CRIM1: variants seen among roughly 807,000 people sequenced by gnomAD.
CRIM1 encodes the protein cysteine-rich motor neuron 1 protein.
Under a neutral mutation model 116.4 loss-of-function variants are expected in CRIM1, and 32 were observed. The ratio of observed to expected loss-of-function variants is 0.27; its 90% confidence interval spans 0.21 to 0.37. The LOEUF is 0.37. Among genes scored for constraint, CRIM1 ranks in the 10% least tolerant of loss-of-function variants. The probability of loss-of-function intolerance (pLI) is 1.00; values close to 1 mark genes in which losing one functional copy is unlikely to be tolerated. For synonymous variants in CRIM1, 590 were observed against 509.2 expected (o/e 1.16, Z -2.13); for missense variants, 1,331 against 1,354.8 (o/e 0.98, Z 0.28).
rs149183680 is a variant in CRIM1 at position 36,464,466 on chromosome 2, T to C, written c.870-68T>C. ...TTTGCCACAGCCACTGCCACTTTGT[T>C]TGTGGTCTCCCGACTTCTATGTTGT... On this transcript the variant is annotated intron_variant, in intron 4 of 16. Coordinates refer to ENST00000280527, the MANE Select transcript of CRIM1 (RefSeq NM_016441.3). 8.5e-5 allele frequency: 134 copies of C among 1,582,760 alleles called. No homozygotes were observed. The African/African-American group carries it at 1.7e-3, about 20-fold the overall frequency.
rs1321049543 is a variant in CRIM1 at position 36,477,077 on chromosome 2, A to G, written c.1174+6A>G. ...GTGCTGCCCAGTGTGTGAAGGTAAG[A>G]AAAGGTGCTAATTACAGATTAACAG... On this transcript the variant is annotated splice_donor_region_variant and intron_variant, in intron 6 of 16. Transcript: ENST00000280527. The G allele has an allele frequency of 6.2e-7, 1 of 1,600,540 alleles. No homozygotes were observed. Among genetic ancestry groups the G allele is most frequent in the Non-Finnish European group, 8.5e-7 (1 of 1,173,518 alleles).
At chr2:36,472,308 C>T (rs1678591710) in intron 5 of CRIM1, among the ~76,000 whole-genome samples, 1 of 152,196 alleles carries the variant, frequency 6.6e-6, no homozygotes, top group East Asian at 1.9e-4. Context: ...CATTGCTCCT[C>T]AAAAACCACA....
At chr2:36,397,555 G>A (rs554111011) in intron 2 of CRIM1, among the ~76,000 whole-genome samples, 1 of 152,094 alleles carries the variant, frequency 6.6e-6, no homozygotes, top group South Asian at 2.1e-4. Context: ...AGGGAAAAAA[G>A]TACTGAAAGA....
intron 13 of CRIM1, among the ~76,000 whole-genome samples, chr2:36,524,666 T>C (rs1225376521): frequency 2.0e-5 from 3 of 152,214 alleles, no homozygotes; most frequent in South Asian, 4.1e-4. Context: ...TGCTACTTAA[T>C]TGTTAAATTT....
chr2:36,466,889 A>G (rs1483086482), intron 5 of CRIM1, among the ~76,000 whole-genome samples: 2 of 152,152 alleles, frequency 1.3e-5, no homozygotes, highest in Admixed American at 1.3e-4. Flanking sequence ...GGTGTTTCCT[A>G]TGGGTGAGGA....
Position 36,441,291 on chromosome 2 carries a change from A to C in CRIM1, c.539A>C (p.Glu180Ala), listed in dbSNP as rs751735637. The C allele has an allele frequency of 2.5e-6, 4 of 1,614,044 alleles. No individual in the cohort carries two copies. The Admixed American group carries it at 6.7e-5, about 27-fold the overall frequency. ...CCAGATTGCTCCAAGGCCCGCTGTGAAGTCCAGTTCTCTCCACGTTGTCCT... is the reference window on the plus strand; with the variant it reads ...CCAGATTGCTCCAAGGCCCGCTGTGCAGTCCAGTTCTCTCCACGTTGTCCT... ...EKPDCSKARC[E>A]VQFSPRCPED... Residue 180 changes from glutamate (E) to alanine (A), a missense_variant, in exon 3 of 17, where the codon GAA (glutamate) becomes GCA (alanine). Transcript: ENST00000280527.
At chr2:36,517,212 C>G in intron 11 of CRIM1, 115 bp from the exon 12 acceptor site, 1 of 746,022 alleles carries the variant, frequency 1.3e-6, no homozygotes, top group South Asian at 1.7e-5. Context: ...AAGAATAGAG[C>G]GAGATGCTCT....
chr2:36,397,405 G>C (rs1048589111), intron 2 of CRIM1, among the ~76,000 whole-genome samples: 1 of 152,078 alleles, frequency 6.6e-6, no homozygotes, highest in Admixed American at 6.6e-5. Context: ...TTGAATATAT[G>C]ACTCATCACC....
chr2:36,413,875 C>T (rs1673404012), intron 2 of CRIM1, among the ~76,000 whole-genome samples: 1 of 152,158 alleles, frequency 6.6e-6, no homozygotes, highest in Admixed American at 6.5e-5. Flanking sequence ...ATATGTCAAC[C>T]ATATTGTCAT....
intron 10 of CRIM1, 150 bp downstream of exon 10, chr2:36,512,544 C>T (rs1558387575): frequency 1.4e-6 from 1 of 717,380 alleles, no homozygotes; most frequent in Non-Finnish European, 2.2e-6. Flanking sequence ...CACAGGACTC[C>T]CTTTTCCTTT....
At chr2:36,491,308 C>T (rs906950018) in intron 7 of CRIM1, among the ~76,000 whole-genome samples, 2 of 152,136 alleles carry the variant, frequency 1.3e-5, no homozygotes, top group African/African-American at 4.8e-5. Context: ...TGAGTAATCT[C>T]ATTTTGGACG....
At chr2:36,412,661 A>G (rs993086251) in intron 2 of CRIM1, among the ~76,000 whole-genome samples, 11 of 152,330 alleles carry the variant, frequency 7.2e-5, no homozygotes, top group African/African-American at 2.6e-4. Context: ...AAACAAATGA[A>G]TTTTAAATAG....
chr2:36,524,159 G>C (rs1410959629), intron 13 of CRIM1, among the ~76,000 whole-genome samples: 2 of 152,200 alleles, frequency 1.3e-5, no homozygotes, highest in African/African-American at 4.8e-5. Flanking sequence ...TAGATCAGGA[G>C]TGTCCCAAGC....
At chr2:36,486,676 A>G (rs1224406773) in intron 7 of CRIM1, among the ~76,000 whole-genome samples, 1 of 152,112 alleles carries the variant, frequency 6.6e-6, no homozygotes, top group Non-Finnish European at 1.5e-5. Context: ...CTAAAAGGGT[A>G]TTATTGCTGG....
chr2:36,498,326 AC>A (rs1680748686), intron 7 of CRIM1, among the ~76,000 whole-genome samples: 1 of 152,308 alleles, frequency 6.6e-6, no homozygotes, highest in South Asian at 2.1e-4. Context: ...TCTTGGGTCC[AC>A]CACAAACTAA....
chr2:36,437,416 A>G (rs1458977130), intron 2 of CRIM1, among the ~76,000 whole-genome samples: 1 of 144,098 alleles, frequency 6.9e-6, no homozygotes, highest in East Asian at 2.7e-4. Context: ...CTAAAATTGG[A>G]TAAGGCCAAC....
At chr2:36,390,589 G>GT (rs921383784) in intron 1 of CRIM1, among the ~76,000 whole-genome samples, 3 of 152,106 alleles carry the variant, frequency 2.0e-5, no homozygotes, top group Admixed American at 6.5e-5. Flanking sequence ...TTGTTTGTTT[G>GT]TTTGTTTTGT....
At position 36,356,316 on chromosome 2, in the gene CRIM1, G is replaced by T. The variant is rs1228921596; in HGVS notation, c.24G>T (p.Arg8Ser). 1.3e-6 allele frequency: 2 copies of T among 1,567,418 alleles called. No homozygotes were observed. The highest frequency in any genetic ancestry group is 1.4e-5 in the African/African-American group (1 of 73,378). The change falls in exon 1 of 17, where the codon AGG becomes AGT. Residue 8 changes from arginine (R) to serine (S), a missense_variant. This residue lies in a region of CRIM1 where 690 missense variants were observed against 676.0 expected (regional missense o/e 1.02). Coordinates refer to ENST00000280527, the MANE Select transcript of CRIM1 (RefSeq NM_016441.3). This position sits in a 1 kb window ranked among gnomAD's most constrained non-coding sequence, Gnocchi z 4.3. ...GGATGTACTTGGTGGCGGGGGACAG[G>T]GGGTTGGCCGGCTGCGGGCACCTCC... Reference protein sequence around the residue: MYLVAGDRGLAGCGHLLV... With the variant: MYLVAGDSGLAGCGHLLV...
chr2:36,481,587 G>A lies in CRIM1; in HGVS notation c.1372+1893G>A, dbSNP rs536687059. On this transcript the variant is annotated intron_variant, in intron 7 of 16. Coordinates refer to ENST00000280527, the MANE Select transcript of CRIM1 (RefSeq NM_016441.3). ...AAACCAGAAGAAAGGGAATGTCCCC[G>A]TTGAGGTATGGTGGGGTAAGTGCAT... Among the ~76,000 whole-genome samples the A allele has an allele frequency of 7.2e-5, 11 of 152,332 alleles. No homozygotes were observed. The East Asian group carries it at 1.7e-3, about 24-fold the overall frequency.
Sources: gnomAD v4.1 joint callset for allele counts (sites outside exome capture counted in the v4.1 genomes callset) on GRCh38, gnomAD v4.1.1 for gene constraint, gnomAD v4.1.1 regional missense constraint, Gnocchi (gnomAD v3.1) non-coding constraint, MANE v1.5 for transcripts, NCBI Gene and HGNC (gene_info 2026-07-23, HGNC 2026-07-21) for gene names.